Variants in SLC30A6 observed in about 807,000 individuals in gnomAD.
SLC30A6 encodes zinc transporter 6.
A neutral mutation model predicts 63.0 loss-of-function variants in SLC30A6; 55 were observed. The ratio of observed to expected loss-of-function variants is 0.87; its 90% CI spans 0.70 to 1.09. The LOEUF (loss-of-function observed/expected upper bound fraction) is 1.09. Among genes scored for constraint, SLC30A6 ranks in the 50% least tolerant of loss-of-function variants. SLC30A6 has a pLI of 0.00. For synonymous variants in SLC30A6, 224 were observed against 186.1 expected (o/e 1.20, Z -1.66); for missense variants, 587 against 549.2 (o/e 1.07, Z -0.69).
chr2:32,215,360 A>T (rs1485485296), intron 13 of SLC30A6, among the ~76,000 whole-genome samples: 1 of 151,484 alleles, frequency 6.6e-6, no homozygotes, highest in Non-Finnish European at 1.5e-5. Flanking sequence ...ACGCCTGGCT[A>T]ATTTTTGTAT....
intron 13 of SLC30A6, chr2:32,214,703 T>A (rs545555567): frequency 6.6e-6 from 1 of 152,332 alleles, no homozygotes; most frequent in South Asian, 2.1e-4. Context: ...AAAACAAGCT[T>A]TTGAGCTGCT....
chr2:32,168,916 T>G lies in SLC30A6; in HGVS notation c.4-2371T>G, dbSNP rs528202717. Among the ~76,000 whole-genome samples the G allele has an allele frequency of 1.2e-4, 18 of 152,248 alleles. No individual in the cohort carries two copies. In the South Asian group the frequency reaches 3.7e-3, roughly 32 times the overall value. On this transcript the variant is annotated intron_variant, in intron 1 of 13. Transcript: ENST00000282587. ...AATTTTGGGAAGAGTGATATGACAT[T>G]AGGATTTTTGTTTTATTTTCATTGT...
chr2:32,165,931 C>T (rs776804449), intron 1 of SLC30A6, 28 bp downstream of exon 1: 19 of 1,614,012 alleles, frequency 1.2e-5, no homozygotes, highest in South Asian at 5.5e-5. Flanking sequence ...GTGAGGGTTT[C>T]GGCTGTAGCT....
At chr2:32,175,202 C>T (rs907281915) in intron 3 of SLC30A6, 117 bp from the exon 4 acceptor site, 24 of 845,756 alleles carry the variant, frequency 2.8e-5, no homozygotes, top group South Asian at 1.3e-4. Flanking sequence ...GAGGTTGGCC[C>T]GTGACTCAAA....
intron 1 of SLC30A6, among the ~76,000 whole-genome samples, chr2:32,167,176 A>G (rs985104319): frequency 7.2e-5 from 11 of 152,122 alleles, no homozygotes; most frequent in Admixed American, 6.5e-4. Context: ...CCCGGGTTCA[A>G]GCGATTCTCC....
In SLC30A6 at chr2:32,222,159, G is replaced by A. The variant is rs1251774773; in HGVS notation, c.*1446G>A. 1 of 152,124 alleles carries A rather than the reference G, an allele frequency of 6.6e-6. No homozygotes were observed. The highest frequency in any genetic ancestry group is 2.4e-5 in the African/African-American group (1 of 41,432). The allele number at this position is 152,124 out of a possible 1,614,324, so 9.4% of individuals were successfully genotyped here. A position where few individuals can be genotyped will look rare whatever the true frequency, so the allele number is the denominator to read the frequency against. On this transcript the variant is annotated 3_prime_UTR_variant, in exon 14 of 14. Transcript: ENST00000282587. ...ATTACATAGATTATGTTATTTTTTAGTTGTTTTCCAAATGCAGAGTTTAAG... is the reference window on the plus strand; with the variant it reads ...ATTACATAGATTATGTTATTTTTTAATTGTTTTCCAAATGCAGAGTTTAAG...
intron 5 of SLC30A6, among the ~76,000 whole-genome samples, chr2:32,189,596 CTTTTTTTTTTTTTTTT>C (rs3040842): frequency 3.9e-5 from 2 of 51,882 alleles, no homozygotes; most frequent in African/African-American, 9.7e-5. Context: ...CGCACCCGGC[CTTTTTTTTTTTTTTTT>C]TTTTTTTTTT....
At chr2:32,203,911 G>A in intron 10 of SLC30A6, 1 of 870,892 alleles carries the variant, frequency 1.1e-6, no homozygotes, top group Non-Finnish European at 2.0e-6. Flanking sequence ...GAGTCCACAA[G>A]GGAGTCGCTC....
intron 4 of SLC30A6, among the ~76,000 whole-genome samples, chr2:32,179,072 C>A (rs13029716): frequency 6.6e-6 from 1 of 151,996 alleles, no homozygotes; most frequent in East Asian, 1.9e-4. Context: ...GTTGCCCAGG[C>A]AAGTCACAAA....
At chr2:32,174,186 A>G in intron 3 of SLC30A6, 39 bp downstream of exon 3, 1 of 1,478,834 alleles carries the variant, frequency 6.8e-7, no homozygotes, top group Non-Finnish European at 9.4e-7. Context: ...TGTTATTTTT[A>G]CTTTTATTTT....
At chr2:32,172,132 T>C (rs770430891) in intron 2 of SLC30A6, among the ~76,000 whole-genome samples, 4 of 152,234 alleles carry the variant, frequency 2.6e-5, no homozygotes, top group Non-Finnish European at 5.9e-5. Context: ...GTTGTCTAAA[T>C]GATAAACTCT....
chr2:32,189,281 C>CTTTTTTTTTTTTTTTTTTT (rs61221362), intron 5 of SLC30A6, among the ~76,000 whole-genome samples: 2 of 114,872 alleles, frequency 1.7e-5, no homozygotes, highest in South Asian at 2.8e-4. Context: ...TTGATACTGT[C>CTTTTTTTTTTTTTTTTTTT]TTTTTTTTTT....
Position 32,220,693 on chromosome 2 carries a change from A to C in SLC30A6, c.1366A>C (p.Ile456Leu). Residue 456 changes from isoleucine (I) to leucine (L), a missense_variant, in exon 14 of 14, where the codon ATT (isoleucine) becomes CTT (leucine). Coordinates refer to ENST00000282587, the MANE Select transcript of SLC30A6 (RefSeq NM_017964.5). ...IPSRYGTNNRIGQPRP is the reference protein window; with the variant it reads ...IPSRYGTNNRLGQPRP ...AAGTAGATATGGAACTAATAATAGA[A>C]TTGGACAACCAAGACCATGATAGAC... The C allele has an allele frequency of 6.2e-7, 1 of 1,613,506 alleles. No individual in the cohort carries two copies. Among genetic ancestry groups the C allele is most frequent in the Non-Finnish European group, 8.5e-7 (1 of 1,179,584 alleles).
At chr2:32,206,363 T>A (rs1044870584) in intron 11 of SLC30A6, among the ~76,000 whole-genome samples, 5 of 151,740 alleles carry the variant, frequency 3.3e-5, no homozygotes, top group African/African-American at 4.8e-5. Context: ...GGGGAGTGGC[T>A]TGAACCCGGG....
intron 5 of SLC30A6, among the ~76,000 whole-genome samples, chr2:32,191,085 A>G (rs1316077724): frequency 6.6e-6 from 1 of 152,194 alleles, no homozygotes; most frequent in Non-Finnish European, 1.5e-5. Flanking sequence ...GATATCTGGT[A>G]GTATAAATCT....
intron 10 of SLC30A6, among the ~76,000 whole-genome samples, chr2:32,198,029 T>C (rs1683952364): frequency 6.6e-6 from 1 of 152,140 alleles, no homozygotes; most frequent in Non-Finnish European, 1.5e-5. Context: ...CAATGTATAA[T>C]GCAGACTGGA....
chr2:32,197,220 A>C, intron 8 of SLC30A6, 124 bp from the exon 9 acceptor site: 1 of 765,504 alleles, frequency 1.3e-6, no homozygotes, highest in Admixed American at 2.9e-5. Context: ...GAGGAGTAGC[A>C]TGTTCTTTTG....
At chr2:32,183,771 A>T (rs967453452) in intron 4 of SLC30A6, among the ~76,000 whole-genome samples, 4 of 152,020 alleles carry the variant, frequency 2.6e-5, no homozygotes, top group Non-Finnish European at 5.9e-5. Context: ...TTGTTACCTC[A>T]ATTTCATATT....
chr2:32,202,980 A>G, intron 10 of SLC30A6: 1 of 1,143,000 alleles, frequency 8.7e-7, no homozygotes, highest in African/African-American at 1.5e-5. Context: ...GACGGCTATT[A>G]TTTTCTGTGA....
Sources: allele counts gnomAD v4.1 joint callset (sites outside exome capture counted in the v4.1 genomes callset), GRCh38; gene constraint gnomAD v4.1.1; transcripts MANE v1.5; gene names NCBI Gene and HGNC (gene_info 2026-07-23, HGNC 2026-07-21).